The following ZNF713 variants were observed in gnomAD, a reference collection of about 807,000 sequenced individuals.
The protein encoded by ZNF713 is zinc finger protein 713.
Under a neutral mutation model 28.7 loss-of-function variants are expected in ZNF713, and 21 were observed. That is an observed-to-expected ratio of 0.73 (90% confidence interval 0.52 to 1.05). The LOEUF (loss-of-function observed/expected upper bound fraction) is 1.05. ZNF713 is among the 50% of genes least tolerant of loss of function. The probability of loss-of-function intolerance (pLI) is 0.00; values close to 1 mark genes in which losing one functional copy is unlikely to be tolerated. For synonymous variants in ZNF713, 167 were observed against 178.0 expected, an observed-to-expected ratio of 0.94 and a Z score of 0.49; for missense variants, 458 against 532.4, an observed-to-expected ratio of 0.86 and a Z score of 1.37.
intron 5 of ZNF713, 107 bp downstream of exon 5, chr7:55,923,395 A>G: frequency 7.0e-7 from 1 of 1,434,096 alleles, no homozygotes. Context: ...CTGGGATAGA[A>G]GAATGCTAAT....
intron 1 of ZNF713, among the ~76,000 whole-genome samples, chr7:55,902,791 G>A (rs1785600676): frequency 6.6e-6 from 1 of 152,054 alleles, no homozygotes; most frequent in African/African-American, 2.4e-5. Context: ...GAACATTAGT[G>A]GAGAAAGAAC....
chr7:55,898,483 C>T (rs538463565), intron 1 of ZNF713, among the ~76,000 whole-genome samples: 1 of 152,314 alleles, frequency 6.6e-6, no homozygotes, highest in South Asian at 2.1e-4. Context: ...ACAAGCATGG[C>T]AGAAGGCCAA....
chr7:55,911,011 C>T (rs1401405881), intron 2 of ZNF713, among the ~76,000 whole-genome samples: 2 of 152,170 alleles, frequency 1.3e-5, no homozygotes, highest in African/African-American at 2.4e-5. Flanking sequence ...GAATGAAGAA[C>T]CTATTTCTTA....
chr7:55,896,805 A>C (rs1785481509), intron 1 of ZNF713, among the ~76,000 whole-genome samples: 1 of 152,090 alleles, frequency 6.6e-6, no homozygotes, highest in African/African-American at 2.4e-5. Context: ...GAACCAGGGC[A>C]CTTTGGAGAA....
intron 1 of ZNF713, 107 bp from the exon 2 acceptor site, chr7:55,906,146 T>G (rs1584302735): frequency 6.7e-6 from 1 of 150,202 alleles, no homozygotes; most frequent in South Asian, 2.1e-4. Flanking sequence ...TTAATCAGAG[T>G]GTATTTTCAT....
At chr7:55,891,259 C>A (rs183370565) in intron 1 of ZNF713, among the ~76,000 whole-genome samples, 9 of 152,174 alleles carry the variant, frequency 5.9e-5, no homozygotes, top group Admixed American at 5.9e-4. Flanking sequence ...TCCAAAGTCA[C>A]ATGGTTATTT....
chr7:55,905,209 C>T (rs1785657989), intron 1 of ZNF713, among the ~76,000 whole-genome samples: 1 of 152,124 alleles, frequency 6.6e-6, no homozygotes. Context: ...TGAAAGGTTC[C>T]AGTAGTTGTT....
chr7:55,912,443 C>G (rs550707418), intron 3 of ZNF713, among the ~76,000 whole-genome samples, 192 bp from the exon 4 acceptor site: 2 of 152,134 alleles, frequency 1.3e-5, no homozygotes, highest in African/African-American at 2.4e-5. Flanking sequence ...GTTGCACCCC[C>G]GAAGACAGAC....
At chr7:55,910,765 G>A (rs530609177) in intron 2 of ZNF713, among the ~76,000 whole-genome samples, 4 of 152,244 alleles carry the variant, frequency 2.6e-5, no homozygotes, top group African/African-American at 9.6e-5. Flanking sequence ...CAAAGTGCTG[G>A]GATTACAGGC....
chr7:55,923,832 AT>A, intron 6 of ZNF713, 133 bp downstream of exon 6: 1 of 576,476 alleles, frequency 1.7e-6, no homozygotes, highest in Non-Finnish European at 3.0e-6. Context: ...ATCAGTTCAT[AT>A]TTTATATTTT....
chr7:55,889,424 T>C (rs1450769570), intron 1 of ZNF713, among the ~76,000 whole-genome samples: 1 of 152,124 alleles, frequency 6.6e-6, no homozygotes, highest in East Asian at 1.9e-4. Flanking sequence ...TTAACTTAAA[T>C]TGTGAGGCAT....
chr7:55,938,862 A>G, intron 6 of ZNF713, 120 bp from the exon 7 acceptor site: 4 of 1,026,094 alleles, frequency 3.9e-6, no homozygotes, highest in Non-Finnish European at 5.6e-6. Context: ...AATGCCGTGT[A>G]TGCCTTGTAC....
chr7:55,924,073 A>G (rs1786049234), intron 6 of ZNF713: 1 of 153,582 alleles, frequency 6.5e-6, no homozygotes, highest in Non-Finnish European at 1.5e-5. Flanking sequence ...TGATCCGAGA[A>G]GAAATTTTTT....
intron 6 of ZNF713, among the ~76,000 whole-genome samples, chr7:55,927,453 G>T (rs1786117966): frequency 6.6e-6 from 1 of 151,880 alleles, no homozygotes; most frequent in Non-Finnish European, 1.5e-5. Flanking sequence ...AGCCTAGGTG[G>T]TCGAGGCTGC....
intron 4 of ZNF713, among the ~76,000 whole-genome samples, chr7:55,920,327 C>A (rs142220120): frequency 6.6e-6 from 1 of 152,140 alleles, no homozygotes; most frequent in Non-Finnish European, 1.5e-5. Context: ...GTCATGTGTA[C>A]AAAGGAAAAG....
chr7:55,887,770 G>GC (rs1562731272), intron 1 of ZNF713, 90 bp downstream of exon 1: 4 of 868 alleles, frequency 4.6e-3, no homozygotes, highest in Non-Finnish European at 6.9e-3. Flanking sequence ...GCGGGGGGCG[G>GC]AGGCGGGGGG....
chr7:55,911,509 C>G (rs895908243), intron 2 of ZNF713, 107 bp from the exon 3 acceptor site: 2 of 151,980 alleles, frequency 1.3e-5, no homozygotes, highest in Admixed American at 6.6e-5. Flanking sequence ...TTACTGTGCT[C>G]TGTCTGTGTG....
intron 4 of ZNF713, among the ~76,000 whole-genome samples, chr7:55,914,334 A>T (rs1190223151): frequency 6.6e-6 from 1 of 152,088 alleles, no homozygotes; most frequent in Non-Finnish European, 1.5e-5. Context: ...GTAGCCAATA[A>T]ACTCATTGAA....
In ZNF713 at chr7:55,939,657, C is replaced by T. The variant is rs1216229750; in HGVS notation, c.983C>T (p.Ser328Phe). 3.1e-6 allele frequency: 5 copies of T among 1,614,152 alleles called. No individual in the cohort carries two copies. The highest frequency in any genetic ancestry group is 4.2e-6 in the Non-Finnish European group (5 of 1,180,034). ...GCGKAFRQHS[S>F]FTQHLRIHTG... ...GGGAAAGCCTTCCGTCAGCATTCAT[C>T]CTTTACTCAACATCTGAGGATTCAT... is the stretch of plus-strand genomic sequence containing the variant. The change falls in exon 7 of 7, where the codon TCC becomes TTC. Residue 328 changes from serine (S) to phenylalanine (F), a missense_variant. Physicochemically the swap from Ser to Phe is radical, Grantham distance 155. Coordinates refer to ENST00000429591, the MANE Select transcript of ZNF713 (RefSeq NM_182633.3).
Sources: gnomAD v4.1 joint callset for allele counts (sites outside exome capture counted in the v4.1 genomes callset) on GRCh38, gnomAD v4.1.1 for gene constraint, MANE v1.5 for transcripts, NCBI Gene and HGNC (gene_info 2026-07-23, HGNC 2026-07-21) for gene names.